ALKBH1: variants seen among roughly 807,000 people sequenced by gnomAD.
The protein encoded by ALKBH1 is alkB homolog 1, histone H2A dioxygenase.
Under a neutral mutation model 36.6 loss-of-function variants are expected in ALKBH1, and 31 were observed. That is an observed-to-expected ratio of 0.85 (90% confidence interval 0.64 to 1.14). ALKBH1 has a LOEUF of 1.14. ALKBH1 is among the 50% of genes most tolerant of loss of function. The probability of loss-of-function intolerance (pLI) is 0.00; values close to 1 mark genes in which losing one functional copy is unlikely to be tolerated. For synonymous variants in ALKBH1, 183 were observed against 186.6 expected (o/e 0.98, Z 0.16); for missense variants, 490 against 497.3 (o/e 0.99, Z 0.14).
intron 1 of ALKBH1, among the ~76,000 whole-genome samples, chr14:77,707,565 T>C (rs926525096): frequency 5.3e-5 from 8 of 151,942 alleles, no homozygotes; most frequent in South Asian, 4.2e-4. Flanking sequence ...ACAGTTACAG[T>C]AAGAAATAAA....
At chr14:77,674,391 G>A (rs1595045692) in intron 5 of ALKBH1, 150 bp from the exon 6 acceptor site, 1 of 969,978 alleles carries the variant, frequency 1.0e-6, no homozygotes, top group Non-Finnish European at 1.5e-6. Flanking sequence ...ACTGTGCTAA[G>A]ATCCTTCTCT....
intron 3 of ALKBH1, among the ~76,000 whole-genome samples, chr14:77,685,290 A>G (rs1440700854): frequency 6.6e-6 from 1 of 152,124 alleles, no homozygotes; most frequent in Non-Finnish European, 1.5e-5. Flanking sequence ...TAAAAAACCA[A>G]AAACTAGCCA....
intron 5 of ALKBH1, 130 bp from the exon 6 acceptor site, chr14:77,674,371 T>G: frequency 9.2e-7 from 1 of 1,092,550 alleles, no homozygotes. Flanking sequence ...TCCCAAATCC[T>G]CCTTTTTAAA....
At chr14:77,707,106 T>C (rs940504314) in intron 1 of ALKBH1, among the ~76,000 whole-genome samples, 7 of 152,222 alleles carry the variant, frequency 4.6e-5, no homozygotes, top group African/African-American at 1.4e-4. Flanking sequence ...GTTATGAGAC[T>C]GGCTAATTTT....
At chr14:77,687,517 TA>T (rs1361466880) in intron 3 of ALKBH1, among the ~76,000 whole-genome samples, 1 of 151,952 alleles carries the variant, frequency 6.6e-6, no homozygotes, top group Non-Finnish European at 1.5e-5. Context: ...TCCTTCCCTT[TA>T]TAATTAAACT....
At chr14:77,691,118 CACTT>C (rs1364420927) in intron 3 of ALKBH1, among the ~76,000 whole-genome samples, 1 of 152,112 alleles carries the variant, frequency 6.6e-6, no homozygotes, top group Non-Finnish European at 1.5e-5. Context: ...AACTCTTGTA[CACTT>C]TTACAACAAT....
chr14:77,686,485 G>A (rs1426002804), intron 3 of ALKBH1, among the ~76,000 whole-genome samples: 3 of 150,112 alleles, frequency 2.0e-5, no homozygotes, highest in Non-Finnish European at 4.5e-5. Context: ...GCTCCCTGCT[G>A]CCTTCTCCAG....
intron 1 of ALKBH1, among the ~76,000 whole-genome samples, chr14:77,705,238 C>A (rs2080381679): frequency 6.6e-6 from 1 of 152,004 alleles, no homozygotes; most frequent in Non-Finnish European, 1.5e-5. Flanking sequence ...CATGGTGAAA[C>A]CCCGTCTCTA....
At chr14:77,690,824 G>A (rs191905224) in intron 3 of ALKBH1, among the ~76,000 whole-genome samples, 2 of 150,092 alleles carry the variant, frequency 1.3e-5, no homozygotes, top group East Asian at 1.9e-4. Context: ...TTTTTGAGAC[G>A]GAGTTTCACT....
chr14:77,677,102 C>T (rs909962873), intron 4 of ALKBH1, among the ~76,000 whole-genome samples: 3 of 151,512 alleles, frequency 2.0e-5, no homozygotes, highest in Admixed American at 6.6e-5. Flanking sequence ...TGCAGTGGTA[C>T]GATCTCTGCT....
chr14:77,674,301 A>G (rs1043995623), intron 5 of ALKBH1, 60 bp from the exon 6 acceptor site: 63 of 1,442,754 alleles, frequency 4.4e-5, no homozygotes, highest in Non-Finnish European at 5.6e-5. Context: ...TTTATTAACT[A>G]TGACTGGGAA....
intron 3 of ALKBH1, among the ~76,000 whole-genome samples, chr14:77,693,854 G>A (rs1326883105): frequency 6.6e-6 from 1 of 152,056 alleles, no homozygotes; most frequent in Non-Finnish European, 1.5e-5. Flanking sequence ...GGGCGTGGTG[G>A]TGGATGCCTG....
rs1271871128 is a variant in ALKBH1 at position 77,672,558 on chromosome 14, G to T, written c.*1254C>A. 1 of 152,090 alleles carries T rather than the reference G, an allele frequency of 6.6e-6. No individual in the cohort carries two copies. The highest frequency in any genetic ancestry group is 1.5e-5 in the Non-Finnish European group (1 of 68,026). 9.4% of individuals were successfully genotyped at this position (152,090 alleles called of 1,614,324 possible). On this transcript the variant is annotated 3_prime_UTR_variant, in exon 6 of 6. Transcript: ENST00000216489. ...CATTGCAAACAGTAGGTACCAAATGGGCTTCCAGCCAGTCCTCCACACAAG... is the reference window on the plus strand; with the variant it reads ...CATTGCAAACAGTAGGTACCAAATGTGCTTCCAGCCAGTCCTCCACACAAG...
At position 77,704,378 on chromosome 14, in the gene ALKBH1, CTT is replaced by C. The variant is rs761145652; in HGVS notation, c.281_282del (p.Lys94ArgfsTer26). On this transcript the variant is annotated frameshift_variant, in exon 2 of 6. Coordinates refer to ENST00000216489, the MANE Select transcript of ALKBH1 (RefSeq NM_006020.3). LOFTEE classifies it high-confidence loss of function. ...GGTCAGTTACACTCACCAGGATAGC[CTT>C]TGAGTCCATAGGCTTGCCACTTGCT... ...PVSKWQAYGLKGYPGFIFIPN... is the reference protein window; with the variant it reads ...PVSKWQAYGLXGYPGFIFIPN... 1 of 1,613,444 alleles carries C rather than the reference CTT, an allele frequency of 6.2e-7. No homozygotes were observed. The highest frequency in any genetic ancestry group is 1.1e-5 in the South Asian group (1 of 91,068).
intron 3 of ALKBH1, among the ~76,000 whole-genome samples, chr14:77,690,870 C>T (rs558345816): frequency 2.6e-5 from 4 of 151,590 alleles, no homozygotes; most frequent in South Asian, 2.1e-4. Flanking sequence ...GGCGTGATCT[C>T]GGCTCACCGC....
Position 77,673,743 on chromosome 14 carries a change from G to A in ALKBH1, c.*69C>T. On this transcript the variant is annotated 3_prime_UTR_variant, in exon 6 of 6. Transcript: ENST00000216489. ...GCTTGTCTGGGTGCTGAAGTCCACG[G>A]CAATACACAATAACATGATCATTTA... The A allele has an allele frequency of 2.7e-6, 4 of 1,487,156 alleles. No homozygotes were observed. The highest frequency in any genetic ancestry group is 3.7e-6 in the Non-Finnish European group (4 of 1,091,734). 92.1% of individuals were successfully genotyped at this position (1,487,156 alleles called of 1,614,324 possible).
At chr14:77,703,052 A>C (rs941476357) in intron 2 of ALKBH1, among the ~76,000 whole-genome samples, 7 of 151,946 alleles carry the variant, frequency 4.6e-5, no homozygotes, top group African/African-American at 1.7e-4. Flanking sequence ...CTCGGGAGGC[A>C]GAAGAATCAC....
At chr14:77,693,941 C>T (rs1221505538) in intron 3 of ALKBH1, among the ~76,000 whole-genome samples, 1 of 152,058 alleles carries the variant, frequency 6.6e-6, no homozygotes, top group African/African-American at 2.4e-5. Context: ...GAGCTGAGAT[C>T]GCGCCACTGC....
intron 1 of ALKBH1, among the ~76,000 whole-genome samples, chr14:77,705,093 G>A (rs1456127555): frequency 1.3e-5 from 2 of 152,142 alleles, no homozygotes; most frequent in Non-Finnish European, 2.9e-5. Flanking sequence ...AGAGCTATAA[G>A]GAACACCAAG....
Sources: allele counts gnomAD v4.1 joint callset (sites outside exome capture counted in the v4.1 genomes callset), GRCh38; gene constraint gnomAD v4.1.1; transcripts MANE v1.5; gene names NCBI Gene and HGNC (gene_info 2026-07-23, HGNC 2026-07-21).